SAMD5: variants seen among roughly 807,000 people sequenced by gnomAD.
SAMD5 encodes the protein sterile alpha motif domain-containing protein 5.
A neutral mutation model predicts 11.3 loss-of-function variants in SAMD5; 13 were observed. The observed-to-expected ratio is 1.15, with a 90% CI of 0.75 to 1.83. The LOEUF (loss-of-function observed/expected upper bound fraction) is 1.83, where lower values mean the gene tolerates loss of function less well. Among genes scored for constraint, SAMD5 ranks in the 40% most tolerant of loss-of-function variants. The pLI, the probability that SAMD5 is intolerant of heterozygous loss-of-function variation, is 0.00. For missense variants in SAMD5, 255 were observed against 239.1 expected (o/e 1.07, Z -0.44); for synonymous variants, 129 against 111.3 (o/e 1.16, Z -1.00).
chr6:147,872,163 T>C, the SAMD5 span, among the ~76,000 whole-genome samples: 51 of 152,232 alleles, frequency 3.4e-4, no homozygotes, highest in Middle Eastern at 6.8e-3. Flanking sequence ...TGGAGTGCAG[T>C]TGCACAATCA....
chr6:147,525,567 G>A (rs1788324760), intron 1 of SAMD5, among the ~76,000 whole-genome samples: 1 of 151,978 alleles, frequency 6.6e-6, no homozygotes, highest in African/African-American at 2.4e-5. Context: ...TTTCCCGCTT[G>A]TGACTTGGCA....
At chr6:147,615,062 T>C (rs752908195) in intron 1 of SAMD5, among the ~76,000 whole-genome samples, 4 of 151,954 alleles carry the variant, frequency 2.6e-5, no homozygotes, top group Admixed American at 6.5e-5. Flanking sequence ...ATAAGTAATC[T>C]AGAGATGATT....
At chr6:147,913,234 C>A in the SAMD5 span, among the ~76,000 whole-genome samples, 1 of 152,128 alleles carries the variant, frequency 6.6e-6, no homozygotes, top group African/African-American at 2.4e-5. Context: ...AGAACTAGTT[C>A]AGGTAATTTG....
intron 1 of SAMD5, among the ~76,000 whole-genome samples, chr6:147,646,971 CTAATAATAATAATAATAATAATAATAA>C (rs5880722): frequency 8.0e-5 from 11 of 138,090 alleles, no homozygotes; most frequent in Non-Finnish European, 1.2e-4. Flanking sequence ...AACCTCATCT[CTAATAATAATAATAATAATAATAATAA>C]TAATAATAAT....
In SAMD5 at chr6:147,700,074, T is replaced by C. The variant is rs577455879; in HGVS notation, c.163-37243T>C. 7.9e-4 allele frequency among the ~76,000 whole-genome samples: 120 copies of C among 152,290 alleles called. 1 individual carries two copies. The highest frequency in any genetic ancestry group is 1.3e-3 in the Non-Finnish European group (91 of 68,018). On this transcript the variant is annotated intron_variant, in intron 1 of 1. Coordinates refer to the SAMD5 transcript ENST00000566741. ...AAGGCCTCAGATCTGAAAGAGAATT[T>C]AGTCCAGTTTTTTATGTTTTAAACC...
chr6:147,748,039 A>G, the SAMD5 span, among the ~76,000 whole-genome samples: 234 of 152,304 alleles, frequency 1.5e-3, 1 homozygote, highest in African/African-American at 5.4e-3. Context: ...ATAGAGGGCA[A>G]AACCTCACTC....
At chr6:147,530,627 C>A (rs1788415936) in intron 1 of SAMD5, among the ~76,000 whole-genome samples, 1 of 152,178 alleles carries the variant, frequency 6.6e-6, no homozygotes, top group African/African-American at 2.4e-5. Context: ...GGTTTGTGCA[C>A]TTAATAAGCA....
At chr6:147,834,995 G>A in the SAMD5 span, among the ~76,000 whole-genome samples, 4 of 152,150 alleles carry the variant, frequency 2.6e-5, no homozygotes, top group Admixed American at 1.3e-4. Context: ...TTGGGAGGCC[G>A]AGGTGGGCTG....
chr6:147,514,060 T>C (rs1204820539), intron 1 of SAMD5, among the ~76,000 whole-genome samples: 15 of 152,072 alleles, frequency 9.9e-5, no homozygotes, highest in Admixed American at 9.8e-4. Context: ...TGTTTGTGTT[T>C]AGGATGAGAG....
the SAMD5 span, among the ~76,000 whole-genome samples, chr6:147,781,159 GTT>G: frequency 9.4e-5 from 13 of 137,718 alleles, no homozygotes; most frequent in African/African-American, 1.6e-4. Context: ...TTTTGGATTT[GTT>G]TTTTTTTTTT....
the SAMD5 span, among the ~76,000 whole-genome samples, chr6:147,744,921 A>ATAAATAAATAAATAAATAAATAAGTAAG: frequency 2.4e-4 from 34 of 142,638 alleles, no homozygotes; most frequent in African/African-American, 1.0e-3. Flanking sequence ...AAATAAATAA[A>ATAAATAAATAAATAAATAAATAAGTAAG]TAAGTAAGTA....
chr6:147,579,269 A>G (rs977554694), intron 1 of SAMD5, among the ~76,000 whole-genome samples: 1 of 152,218 alleles, frequency 6.6e-6, no homozygotes, highest in Non-Finnish European at 1.5e-5. Flanking sequence ...GGGAAAGTAA[A>G]GAGAAGATGT....
At chr6:147,522,307 C>T (rs1788266645) in intron 1 of SAMD5, among the ~76,000 whole-genome samples, 1 of 152,112 alleles carries the variant, frequency 6.6e-6, no homozygotes, top group African/African-American at 2.4e-5. Context: ...TATTATCCTG[C>T]TGCTGGCTGT....
chr6:147,931,577 G>A, the SAMD5 span, among the ~76,000 whole-genome samples: 68,806 of 151,804 alleles, frequency 0.45, 16,109 homozygotes, highest in South Asian at 0.66. Flanking sequence ...GGCTGTTTAA[G>A]TCACATTGAC....
the SAMD5 span, among the ~76,000 whole-genome samples, chr6:147,752,888 T>C: frequency 6.6e-6 from 1 of 152,184 alleles, no homozygotes; most frequent in African/African-American, 2.4e-5. Context: ...TTGGAATTTG[T>C]TTGGAATCCA....
chr6:147,785,506 C>T, the SAMD5 span, among the ~76,000 whole-genome samples: 225 of 152,310 alleles, frequency 1.5e-3, 2 homozygotes, highest in African/African-American at 5.2e-3. Context: ...CCAGCCAAAT[C>T]GCCAATCAGC....
chr6:147,757,037 A>G, the SAMD5 span, among the ~76,000 whole-genome samples: 1 of 152,160 alleles, frequency 6.6e-6, no homozygotes, highest in Non-Finnish European at 1.5e-5. Flanking sequence ...AGCAATATTC[A>G]CTGCAGCTGT....
the SAMD5 span, among the ~76,000 whole-genome samples, chr6:147,817,359 TC>T: frequency 2.6e-5 from 4 of 152,252 alleles, no homozygotes; most frequent in Non-Finnish European, 5.9e-5. Context: ...TCTGACAACT[TC>T]CTGATAGTGA....
intron 1 of SAMD5, among the ~76,000 whole-genome samples, chr6:147,620,365 A>T (rs1312298652): frequency 6.6e-6 from 1 of 152,142 alleles, no homozygotes; most frequent in East Asian, 1.9e-4. Flanking sequence ...AGCTTTGATC[A>T]CTTCTCTATT....
Sources: gnomAD v4.1 joint callset for allele counts (sites outside exome capture counted in the v4.1 genomes callset) on GRCh38, gnomAD v4.1.1 for gene constraint, MANE v1.5 for transcripts, NCBI Gene and HGNC (gene_info 2026-07-23, HGNC 2026-07-21) for gene names.